The following IQSEC1 variants were observed in gnomAD, a reference collection of about 807,000 sequenced individuals.
The protein encoded by IQSEC1 is IQ motif and Sec7 domain ArfGEF 1.
Under a neutral mutation model 91.0 loss-of-function variants are expected in IQSEC1, and 31 were observed. That is an observed-to-expected ratio of 0.34 (90% confidence interval 0.26 to 0.46). The LOEUF (loss-of-function observed/expected upper bound fraction) is 0.46. IQSEC1 is among the 20% of genes least tolerant of loss of function. The pLI is 1.00. For missense variants in IQSEC1, 1,388 were observed against 1,575.6 expected (o/e 0.88, Z 2.02); for synonymous variants, 699 against 662.6 (o/e 1.05, Z -0.84).
At chr3:12,902,583 C>CA (rs1694441441) in intron 13 of IQSEC1, among the ~76,000 whole-genome samples, 190 bp downstream of exon 13, 1 of 145,080 alleles carries the variant, frequency 6.9e-6, no homozygotes, top group Non-Finnish European at 1.5e-5. Context: ...CACAGGGTTC[C>CA]AGGCAGGCAG....
chr3:13,080,996 T>C (rs1389907044), intron 2 of IQSEC1, among the ~76,000 whole-genome samples: 2 of 152,162 alleles, frequency 1.3e-5, no homozygotes, highest in Non-Finnish European at 2.9e-5. Flanking sequence ...AAATGTCCAA[T>C]ATTGGGAGCT....
intron 1 of IQSEC1, among the ~76,000 whole-genome samples, chr3:13,059,695 G>A (rs1704999458): frequency 6.6e-6 from 1 of 152,222 alleles, no homozygotes. Flanking sequence ...AGGCTCCAGT[G>A]AGCTGAGATT....
At chr3:13,280,044 C>T (rs1365386460) in intron 1 of IQSEC1, among the ~76,000 whole-genome samples, 1 of 152,140 alleles carries the variant, frequency 6.6e-6, no homozygotes, top group African/African-American at 2.4e-5. Context: ...CAGTTTCCTC[C>T]ATGCCCATCT....
At chr3:13,131,392 T>A (rs1181336157) in intron 2 of IQSEC1, among the ~76,000 whole-genome samples, 6 of 144,662 alleles carry the variant, frequency 4.1e-5, no homozygotes, top group Non-Finnish European at 9.1e-5. Context: ...AAAAAAAAAA[T>A]CTAACCTAAA....
At chr3:13,235,292 C>T (rs892915586) in intron 1 of IQSEC1, among the ~76,000 whole-genome samples, 1 of 152,146 alleles carries the variant, frequency 6.6e-6, no homozygotes, top group Non-Finnish European at 1.5e-5. Context: ...ACACCCTCCC[C>T]GGCGCTGGGG....
At chr3:13,263,429 G>T (rs58221242) in intron 1 of IQSEC1, among the ~76,000 whole-genome samples, 14,370 of 78,444 alleles carry the variant, frequency 0.18, 1,819 homozygotes, top group African/African-American at 0.48. Context: ...TTTTTTTTTG[G>T]GGGGGGGGGG....
chr3:13,086,848 C>G (rs1010008421), intron 2 of IQSEC1, among the ~76,000 whole-genome samples: 1 of 152,236 alleles, frequency 6.6e-6, no homozygotes, highest in African/African-American at 2.4e-5. Flanking sequence ...TACAGGCATC[C>G]TGTTTAATTG....
chr3:12,933,105 C>T (rs751732723), intron 3 of IQSEC1, among the ~76,000 whole-genome samples: 2 of 152,202 alleles, frequency 1.3e-5, no homozygotes, highest in South Asian at 2.1e-4. Flanking sequence ...TGCTGGAGGC[C>T]GGGCAAAGGC....
Position 13,168,329 on chromosome 3 carries a change from C to T in IQSEC1, c.273-4196G>A, listed in dbSNP as rs534336061. On this transcript the variant is annotated intron_variant, in intron 1 of 15. Coordinates refer to the IQSEC1 transcript ENST00000648114. ...TCTAATCCTACCACCTGGAGGTAAT[C>T]GCTATCACATTTTTGCATGTATGCT... Among the ~76,000 whole-genome samples the T allele has an allele frequency of 1.4e-4, 22 of 152,276 alleles. 2 individuals carry two copies. The highest frequency in any genetic ancestry group is 1.2e-3 in the South Asian group (6 of 4,822).
At chr3:12,953,612 T>TGGGCAGACGGCACGAGGAGTC (rs1699708320) in intron 1 of IQSEC1, among the ~76,000 whole-genome samples, 1 of 152,198 alleles carries the variant, frequency 6.6e-6, no homozygotes, top group Non-Finnish European at 1.5e-5. Context: ...GCTGGAGAGA[T>TGGGCAGACGGCACGAGGAGTC]GGGCAGACGG....
chr3:12,968,542 A>AC (rs1171545710), intron 1 of IQSEC1, among the ~76,000 whole-genome samples: 3 of 152,204 alleles, frequency 2.0e-5, no homozygotes, highest in African/African-American at 7.2e-5. Context: ...AACTGGGCCA[A>AC]CTAAGAGACG....
upstream of IQSEC1, among the ~76,000 whole-genome samples, chr3:13,073,698 C>A (rs563898637): frequency 6.6e-6 from 1 of 152,374 alleles, no homozygotes; most frequent in Admixed American, 6.5e-5. Flanking sequence ...CTTTCCAAGG[C>A]GGCTTTTCTG....
upstream of IQSEC1, among the ~76,000 whole-genome samples, chr3:13,074,471 A>G (rs1290224155): frequency 6.6e-6 from 1 of 152,172 alleles, no homozygotes; most frequent in South Asian, 2.1e-4. Context: ...CTGCTTCCTC[A>G]TCTGTAAACC....
chr3:13,190,205 C>A (rs760404525), intron 1 of IQSEC1, among the ~76,000 whole-genome samples: 1 of 152,206 alleles, frequency 6.6e-6, no homozygotes, highest in Non-Finnish European at 1.5e-5. Context: ...GGAAGGAACC[C>A]CAAGGCACTG....
At chr3:12,925,252 C>G (rs1327772812) in intron 3 of IQSEC1, among the ~76,000 whole-genome samples, 1 of 152,236 alleles carries the variant, frequency 6.6e-6, no homozygotes, top group Non-Finnish European at 1.5e-5. Context: ...CAGACTGGAA[C>G]CCTCCCCGCC....
chr3:13,016,478 C>T (rs1366573580), intron 1 of IQSEC1, among the ~76,000 whole-genome samples: 1 of 152,222 alleles, frequency 6.6e-6, no homozygotes, highest in East Asian at 1.9e-4. Flanking sequence ...AGCAATGTTA[C>T]CCAGCCGTGG....
At chr3:13,256,299 C>G (rs893393918) in intron 1 of IQSEC1, among the ~76,000 whole-genome samples, 1 of 152,140 alleles carries the variant, frequency 6.6e-6, no homozygotes, top group African/African-American at 2.4e-5. Flanking sequence ...ACTGAATGCA[C>G]ACTTCAAATG....
chr3:12,946,447 G>A (rs1449604131), intron 1 of IQSEC1, among the ~76,000 whole-genome samples: 2 of 152,222 alleles, frequency 1.3e-5, no homozygotes, highest in East Asian at 3.8e-4. Context: ...CATCCTATGA[G>A]CGTTAGGTGG....
chr3:13,094,272 C>G (rs1330787228), intron 2 of IQSEC1, among the ~76,000 whole-genome samples: 1 of 152,018 alleles, frequency 6.6e-6, no homozygotes, highest in Non-Finnish European at 1.5e-5. Flanking sequence ...CTGCATCAGG[C>G]CTTGAAGGAT....
Sources: gnomAD v4.1 joint callset for allele counts (sites outside exome capture counted in the v4.1 genomes callset) on GRCh38, gnomAD v4.1.1 for gene constraint, MANE v1.5 for transcripts, NCBI Gene and HGNC (gene_info 2026-07-23, HGNC 2026-07-21) for gene names.